Variants in TRERF1 observed in about 807,000 individuals in gnomAD.
TRERF1 encodes the protein transcriptional regulating factor 1, also known as transcriptional-regulating factor 1.
TRERF1 carries 27 observed loss-of-function variants against 122.9 expected under a neutral mutation model. That is an observed-to-expected ratio of 0.22 (90% CI 0.16 to 0.30). TRERF1 has a LOEUF of 0.30. TRERF1 is among the 10% of genes least tolerant of loss of function. TRERF1 has a pLI of 1.00. For missense variants in TRERF1, 1,248 were observed against 1,560.3 expected (o/e 0.80, Z 3.37); for synonymous variants, 636 against 641.7 (o/e 0.99, Z 0.13).
intron 8 of TRERF1, among the ~76,000 whole-genome samples, chr6:42,261,685 GT>G (rs2149804089): frequency 6.6e-6 from 1 of 152,248 alleles, no homozygotes; most frequent in Admixed American, 6.5e-5. Flanking sequence ...CTTCCTGGAT[GT>G]TTTAATTTCT....
At chr6:42,372,050 C>T (rs138942778) in intron 2 of TRERF1, among the ~76,000 whole-genome samples, 1 of 152,158 alleles carries the variant, frequency 6.6e-6, no homozygotes, top group East Asian at 1.9e-4. Flanking sequence ...GGCATGGTGG[C>T]AGGTGCCTGT....
intron 2 of TRERF1, among the ~76,000 whole-genome samples, chr6:42,392,982 A>G (rs971861209): frequency 1.1e-4 from 17 of 150,568 alleles, no homozygotes; most frequent in Admixed American, 1.3e-4. Context: ...TCCATGGTAT[A>G]AATACTCCCA....
chr6:42,250,195 C>T (rs1053158138), intron 13 of TRERF1, among the ~76,000 whole-genome samples: 2 of 152,144 alleles, frequency 1.3e-5, no homozygotes, highest in African/African-American at 2.4e-5. Flanking sequence ...GTGTTCGATA[C>T]ATGTTTTGAA....
At chr6:42,240,018 C>A (rs1192623368) in intron 15 of TRERF1, among the ~76,000 whole-genome samples, 1 of 151,998 alleles carries the variant, frequency 6.6e-6, no homozygotes, top group African/African-American at 2.4e-5. Context: ...CCCTCTTACC[C>A]TCTCCTCCTT....
At chr6:42,394,672 T>C (rs550476377) in intron 2 of TRERF1, among the ~76,000 whole-genome samples, 2 of 152,088 alleles carry the variant, frequency 1.3e-5, no homozygotes, top group African/African-American at 4.8e-5. Context: ...AATAATAATA[T>C]AGCAATACTA....
At chr6:42,398,853 AAGG>A (rs1354396243) in intron 2 of TRERF1, among the ~76,000 whole-genome samples, 1 of 152,264 alleles carries the variant, frequency 6.6e-6, no homozygotes, top group Non-Finnish European at 1.5e-5. Context: ...GTGAAACTAC[AAGG>A]AGATCATGCA....
chr6:42,353,674 G>T (rs151286191), intron 3 of TRERF1, among the ~76,000 whole-genome samples: 1 of 152,168 alleles, frequency 6.6e-6, no homozygotes, highest in Admixed American at 6.5e-5. Context: ...TGATATATGT[G>T]TGTTTGTGTA....
At chr6:42,410,123 C>T (rs576195842) in intron 2 of TRERF1, among the ~76,000 whole-genome samples, 12 of 152,134 alleles carry the variant, frequency 7.9e-5, no homozygotes, top group East Asian at 3.9e-4. Context: ...ATTCCTGAGA[C>T]GAGCCTTGCT....
At chr6:42,332,698 T>A (rs911267497) in intron 3 of TRERF1, among the ~76,000 whole-genome samples, 7 of 152,352 alleles carry the variant, frequency 4.6e-5, no homozygotes, top group African/African-American at 1.7e-4. Flanking sequence ...TAGGGCCTAT[T>A]TAAAGAAGAC....
chr6:42,333,032 T>C (rs776728336), intron 3 of TRERF1, among the ~76,000 whole-genome samples: 32 of 152,308 alleles, frequency 2.1e-4, no homozygotes, highest in Admixed American at 1.1e-3. Context: ...AAGAAGAGCC[T>C]ACTAAGTGAT....
chr6:42,397,864 G>C (rs1488562294), intron 2 of TRERF1, among the ~76,000 whole-genome samples: 1 of 152,246 alleles, frequency 6.6e-6, no homozygotes, highest in Non-Finnish European at 1.5e-5. Flanking sequence ...TTACAGAGCA[G>C]TGGCACTGTG....
chr6:42,238,836 C>CACACAG (rs540791402), intron 15 of TRERF1, among the ~76,000 whole-genome samples: 3,480 of 19,564 alleles, frequency 0.18, 56 homozygotes, highest in Non-Finnish European at 0.29. Context: ...TCATGCATTT[C>CACACAG]ACACACACAC....
At chr6:42,278,771 CAT>C (rs1249222438) in intron 4 of TRERF1, among the ~76,000 whole-genome samples, 11 of 152,318 alleles carry the variant, frequency 7.2e-5, no homozygotes, top group African/African-American at 2.6e-4. Flanking sequence ...TTCATGATCA[CAT>C]GTGTCCCCTA....
rs114078588 is a variant in TRERF1, at chr6:42,256,785, T to G, written c.2523A>C (p.Gly841=). The change falls in exon 12 of 18, where the codon GGA becomes GGC. Residue 841 remains glycine (G), a synonymous_variant. Transcript: ENST00000372922. The stretch of plus-strand genomic sequence containing the variant: ...GCAAAGCAAATTCAGAATTGGTCCC[T>G]CCACCTGGCAATGCACTGGAACAGC... 4,856 of 1,614,212 alleles carry G rather than the reference T, an allele frequency of 3.0e-3. 121 individuals are homozygous for G. The African/African-American group carries it at 0.057, about 19-fold the overall frequency.
intron 4 of TRERF1, among the ~76,000 whole-genome samples, chr6:42,271,598 C>G (rs1780229979): frequency 1.3e-5 from 2 of 151,858 alleles, no homozygotes; most frequent in South Asian, 4.2e-4. Flanking sequence ...AAAAGTCACC[C>G]CCCCCAAAAA....
rs189113574 is a variant in TRERF1, at chr6:42,330,615, C to T, written c.-370-29866G>A. ...CCCAGAAATTCTTACAGAAATTCACCTGTAGGAATATGCCTAAAGATTTAG... is the reference window on the plus strand; with the variant it reads ...CCCAGAAATTCTTACAGAAATTCACTTGTAGGAATATGCCTAAAGATTTAG... On this transcript the variant is annotated intron_variant, in intron 3 of 17. Transcript: ENST00000372922. Among the ~76,000 whole-genome samples the T allele has an allele frequency of 1.8e-3, 274 of 152,256 alleles. 1 individual carries two copies. The highest frequency in any genetic ancestry group is 6.0e-3 in the African/African-American group (249 of 41,552).
In TRERF1 at chr6:42,263,119, T is replaced by C. The variant is rs1778528783; in HGVS notation, c.1884+201A>G. The C allele has an allele frequency of 7.7e-7, 1 of 1,299,114 alleles. No individual in the cohort carries two copies. The highest frequency in any genetic ancestry group is 9.8e-7 in the Non-Finnish European group (1 of 1,021,930). The allele number at this position is 1,299,114 out of a possible 1,614,324, so 80.5% of individuals were successfully genotyped here. A position where few individuals can be genotyped will look rare whatever the true frequency, so the allele number is the denominator to read the frequency against. Reference sequence around the variant, plus strand: ...GCAGGCAGTGTGAACAAGGGTAGGGTTCCCAATGTGGCCACGGGTTCAGCC... The same window carrying C: ...GCAGGCAGTGTGAACAAGGGTAGGGCTCCCAATGTGGCCACGGGTTCAGCC... On this transcript the variant is annotated intron_variant, in intron 8 of 17. Coordinates refer to ENST00000372922, the Ensembl canonical transcript of TRERF1. The surrounding 1 kb of genome is among the most constrained non-coding windows in gnomAD (Gnocchi z 5.6).
intron 2 of TRERF1, among the ~76,000 whole-genome samples, chr6:42,368,118 T>TCA (rs1213466809): frequency 6.6e-6 from 1 of 152,090 alleles, no homozygotes; most frequent in African/African-American, 2.4e-5. Flanking sequence ...GGGAGATTGT[T>TCA]CACAATCTCC....
Position 42,259,835 on chromosome 6 carries a change from G to GC in TRERF1, c.1885-113_1885-112insG. 6.9e-7 allele frequency: 1 copy of GC among 1,443,806 alleles called. No homozygotes were observed. Among genetic ancestry groups the GC allele is most frequent in the Admixed American group, 2.1e-5 (1 of 47,276 alleles). 89.4% of individuals were successfully genotyped at this position (1,443,806 alleles called of 1,614,324 possible). On this transcript the variant is annotated intron_variant, in intron 8 of 17. Coordinates refer to ENST00000372922, the Ensembl canonical transcript of TRERF1. This position sits in a 1 kb window ranked among gnomAD's most constrained non-coding sequence, Gnocchi z 4.9. ...GTCTAAGCAGAGAGCCCTTCTGCTT[G>GC]ACCCCCCCACCCCCAACGCCCCCAC...
Sources: gnomAD v4.1 joint callset for allele counts (sites outside exome capture counted in the v4.1 genomes callset) on GRCh38, gnomAD v4.1.1 for gene constraint, Gnocchi (gnomAD v3.1) non-coding constraint, MANE v1.5 for transcripts, NCBI Gene and HGNC (gene_info 2026-07-23, HGNC 2026-07-21) for gene names.